ADA2: variants seen among roughly 807,000 people sequenced by gnomAD.
The protein encoded by ADA2 is adenosine deaminase 2, also known as adenosine deaminase CECR1.
ADA2 carries 29 observed loss-of-function variants against 44.2 expected under a neutral mutation model. The ratio of observed to expected loss-of-function variants is 0.66; its 90% CI spans 0.49 to 0.89. ADA2 has a LOEUF of 0.89. Among genes scored for constraint, ADA2 ranks in the 40% least tolerant of loss-of-function variants. The pLI is 0.00. For synonymous variants in ADA2, 215 were observed against 234.9 expected (o/e 0.92, Z 0.77); for missense variants, 637 against 644.8 (o/e 0.99, Z 0.13).
chr22:17,190,837 T>A (rs530447405), intron 5 of ADA2, among the ~76,000 whole-genome samples: 25 of 152,200 alleles, frequency 1.6e-4, no homozygotes, highest in African/African-American at 5.5e-4. Context: ...AGCTCCCTCC[T>A]AGGGGGACCG....
intron 1 of ADA2, among the ~76,000 whole-genome samples, chr22:17,213,314 A>C (rs1355308593): frequency 6.6e-6 from 1 of 152,166 alleles, no homozygotes; most frequent in South Asian, 2.1e-4. Flanking sequence ...GAACTACCAT[A>C]CGATCCAGCA....
At chr22:17,201,202 C>CA (rs5844297) in intron 4 of ADA2, among the ~76,000 whole-genome samples, 12,016 of 125,270 alleles carry the variant, frequency 0.096, 533 homozygotes, top group Middle Eastern at 0.16. Flanking sequence ...GAAATTCTGT[C>CA]AAAAAAAAAA....
chr22:17,214,059 A>AAAAAAAG (rs1568991742), intron 1 of ADA2: 1 of 484,798 alleles, frequency 2.1e-6, no homozygotes. Context: ...AAAAAAAAAA[A>AAAAAAAG]ATAGCATCCA....
chr22:17,206,475 C>T (rs2062354915), intron 3 of ADA2, among the ~76,000 whole-genome samples: 1 of 151,872 alleles, frequency 6.6e-6, no homozygotes, highest in African/African-American at 2.4e-5. Flanking sequence ...AAGACCCTGT[C>T]TCAAATAATA....
intron 1 of ADA2, among the ~76,000 whole-genome samples, chr22:17,216,628 C>T (rs550584803): frequency 3.3e-5 from 5 of 151,834 alleles, no homozygotes; most frequent in African/African-American, 1.2e-4. Flanking sequence ...AGCCATGTGG[C>T]GTGTGCCTGT....
intron 7 of ADA2, among the ~76,000 whole-genome samples, chr22:17,186,105 A>T (rs1284112077): frequency 3.9e-5 from 6 of 152,212 alleles, no homozygotes; most frequent in Non-Finnish European, 8.8e-5. Context: ...TGCATGGGGC[A>T]GGGCAGGGTT....
intron 7 of ADA2, among the ~76,000 whole-genome samples, chr22:17,183,391 T>C (rs993538481): frequency 1.3e-5 from 2 of 149,808 alleles, no homozygotes; most frequent in African/African-American, 4.9e-5. Context: ...CCTGCAAAAC[T>C]GAGTTTTAAA....
chr22:17,215,060 C>T (rs149426993), intron 1 of ADA2, among the ~76,000 whole-genome samples: 117 of 152,258 alleles, frequency 7.7e-4, no homozygotes, highest in African/African-American at 2.8e-3. Context: ...CCCAGGCATC[C>T]GTCTTGGAGG....
At chr22:17,206,434 C>T (rs1340128920) in intron 3 of ADA2, among the ~76,000 whole-genome samples, 7 of 149,184 alleles carry the variant, frequency 4.7e-5, no homozygotes, top group Non-Finnish European at 9.0e-5. Context: ...GCCAAGATCA[C>T]GCCACTACAC....
chr22:17,196,704 TA>T (rs1420811779), intron 4 of ADA2, among the ~76,000 whole-genome samples: 1 of 152,160 alleles, frequency 6.6e-6, no homozygotes, highest in Non-Finnish European at 1.5e-5. Context: ...CATAAATAAA[TA>T]TTAATTCAAG....
At chr22:17,205,392 G>C (rs1486305439) in intron 3 of ADA2, among the ~76,000 whole-genome samples, 1 of 152,146 alleles carries the variant, frequency 6.6e-6, no homozygotes, top group Non-Finnish European at 1.5e-5. Context: ...AGGATTACAG[G>C]CATGACCCAG....
At chr22:17,192,979 A>G in intron 4 of ADA2, 1 of 628,304 alleles carries the variant, frequency 1.6e-6, no homozygotes, top group Non-Finnish European at 2.9e-6. Context: ...CACCGGTCTG[A>G]CCAATACGTC....
chr22:17,206,974 G>T, intron 3 of ADA2, 97 bp downstream of exon 3: 1 of 925,876 alleles, frequency 1.1e-6, no homozygotes, highest in Non-Finnish European at 1.7e-6. Flanking sequence ...TTTTATTAAA[G>T]CCAGATTTTT....
intron 3 of ADA2, among the ~76,000 whole-genome samples, chr22:17,205,272 G>A (rs34056296): frequency 0.11 from 15,979 of 151,872 alleles, 1,138 homozygotes; most frequent in East Asian, 0.3. Context: ...CGCCCACCTC[G>A]GTCTCCCAAA....
At chr22:17,199,617 T>C in intron 4 of ADA2, 1 of 1,614,040 alleles carries the variant, frequency 6.2e-7, no homozygotes, top group Non-Finnish European at 8.5e-7. Flanking sequence ...CCAGATGCTC[T>C]CTGGGATCGC....
intron 1 of ADA2, among the ~76,000 whole-genome samples, chr22:17,217,339 A>G (rs1341986225): frequency 6.6e-6 from 1 of 152,210 alleles, no homozygotes; most frequent in Non-Finnish European, 1.5e-5. Flanking sequence ...AGCACAGTCA[A>G]TCATTCTGTG....
chr22:17,198,527 G>C (rs527813491), intron 4 of ADA2: 1 of 152,240 alleles, frequency 6.6e-6, no homozygotes, highest in Non-Finnish European at 1.5e-5. Context: ...TTGAATGAAA[G>C]GTCTGCTAAG....
At chr22:17,216,522 T>G (rs896004097) in intron 1 of ADA2, among the ~76,000 whole-genome samples, 3 of 151,968 alleles carry the variant, frequency 2.0e-5, no homozygotes, top group African/African-American at 7.2e-5. Context: ...ATCCCAGCAC[T>G]TAGGGAGGCC....
At chr22:17,199,446 T>TCCCTCCCCTCCACTATCCTCTTCCCCA (rs2062243267) in intron 4 of ADA2, 6 of 917,616 alleles carry the variant, frequency 6.5e-6, no homozygotes, top group African/African-American at 1.7e-5. Flanking sequence ...CCTCTTCCCC[T>TCCCTCCCCTCCACTATCCTCTTCCCCA]CCACCCACGA....
Sources: allele counts gnomAD v4.1 joint callset (sites outside exome capture counted in the v4.1 genomes callset), GRCh38; gene constraint gnomAD v4.1.1; transcripts MANE v1.5; gene names NCBI Gene and HGNC (gene_info 2026-07-23, HGNC 2026-07-21).